PRKCB: variants seen among roughly 807,000 people sequenced by gnomAD.
PRKCB encodes the protein protein kinase C beta.
In PRKCB, 13 loss-of-function variants were observed where a neutral mutation model predicts 81.5. That is an observed-to-expected ratio of 0.16 (90% CI 0.10 to 0.25). The LOEUF is 0.25. Among genes scored for constraint, PRKCB ranks in the 10% least tolerant of loss-of-function variants. The pLI is 1.00. For synonymous variants in PRKCB, 335 were observed against 321.4 expected (o/e 1.04, Z -0.45); for missense variants, 509 against 875.7 (o/e 0.58, Z 5.29).
At position 24,154,668 on chromosome 16, in the gene PRKCB, T is replaced by C. The variant is rs1039740393; in HGVS notation, c.1066-16T>C. The C allele has an allele frequency of 1.2e-6, 2 of 1,613,624 alleles. No individual in the cohort carries two copies. The highest frequency in any genetic ancestry group is 2.7e-5 in the African/African-American group (2 of 74,938). On this transcript the variant is annotated splice_polypyrimidine_tract_variant and intron_variant, in intron 9 of 16. Coordinates refer to ENST00000643927, the MANE Select transcript of PRKCB (RefSeq NM_002738.7). Reference sequence around the variant, plus strand: ...ACTCCTTCCAACTGCCCTGACATGCTTGCTCTCTTTCCCAGGTCATGCTTT... The same window carrying C: ...ACTCCTTCCAACTGCCCTGACATGCCTGCTCTCTTTCCCAGGTCATGCTTT...
intron 7 of PRKCB, among the ~76,000 whole-genome samples, chr16:24,100,913 G>T (rs1450065169): frequency 6.6e-6 from 1 of 152,104 alleles, no homozygotes; most frequent in Admixed American, 6.6e-5. Context: ...AATCATAGGG[G>T]GTCAAAGCTG....
Position 24,032,147 on chromosome 16 carries a change from C to G in PRKCB, c.300C>G (p.Ser100Arg). 1 of 1,613,184 alleles carries G rather than the reference C, an allele frequency of 6.2e-7. No homozygotes were observed. The highest frequency in any genetic ancestry group is 8.5e-7 in the Non-Finnish European group (1 of 1,179,382). ...TCTCTTGGCTCCAGGACCCCCGCAG[C>G]AAACACAAGTTTAAGATCCACACGT... ...DKGPASDDPR[S>R]KHKFKIHTYS... is the part of the protein sequence containing the mutation. The change falls in exon 4 of 17, where the codon AGC becomes AGG. Residue 100 changes from serine (S) to arginine (R), a missense_variant. This residue lies in a region of PRKCB where 184 missense variants were observed against 362.9 expected (regional missense o/e 0.51). Coordinates refer to ENST00000643927, the MANE Select transcript of PRKCB (RefSeq NM_002738.7).
chr16:24,143,382 C>T (rs190865418), intron 9 of PRKCB, among the ~76,000 whole-genome samples: 3 of 152,228 alleles, frequency 2.0e-5, no homozygotes, highest in African/African-American at 4.8e-5. Context: ...ATCCACCTGC[C>T]GTGGCCTCCA....
intron 5 of PRKCB, among the ~76,000 whole-genome samples, chr16:24,036,491 T>C (rs184653743): frequency 2.6e-5 from 4 of 152,204 alleles, no homozygotes; most frequent in African/African-American, 7.2e-5. Context: ...ACTCAGGAAA[T>C]TGATCATGGA....
intron 5 of PRKCB, among the ~76,000 whole-genome samples, chr16:24,084,576 A>G (rs1229547772): frequency 6.6e-6 from 1 of 152,168 alleles, no homozygotes; most frequent in Non-Finnish European, 1.5e-5. Flanking sequence ...CAATAAAAGA[A>G]TTACATTTTT....
chr16:23,907,000 G>C lies in PRKCB; in HGVS notation c.205+69594G>C, dbSNP rs539683697. 3.0e-4 allele frequency among the ~76,000 whole-genome samples: 46 copies of C among 152,244 alleles called. 1 individual carries two copies. The South Asian group carries it at 6.6e-3, about 22-fold the overall frequency. On this transcript the variant is annotated intron_variant, in intron 2 of 16. Transcript: ENST00000643927. The stretch of plus-strand genomic sequence containing the variant: ...TCCTGGGTGGGGACAGGGTTGGGGT[G>C]GGGGAAAGTGAGTGTCCCGTGCTGG...
At chr16:24,149,357 G>A (rs1967041582) in intron 9 of PRKCB, among the ~76,000 whole-genome samples, 1 of 152,162 alleles carries the variant, frequency 6.6e-6, no homozygotes, top group South Asian at 2.1e-4. Context: ...CTCTCAAAAT[G>A]TAACTCCAAG....
chr16:24,006,092 A>G lies in PRKCB; in HGVS notation c.288+17502A>G, dbSNP rs1039793864. On this transcript the variant is annotated intron_variant, in intron 3 of 16. Coordinates refer to ENST00000643927, the MANE Select transcript of PRKCB (RefSeq NM_002738.7). Reference sequence around the variant, plus strand: ...CCCTTCCTCCCTTCTTCCCTCTCTCACTTATCTATTATCTCCCTACATCTG... The same window carrying G: ...CCCTTCCTCCCTTCTTCCCTCTCTCGCTTATCTATTATCTCCCTACATCTG... Among the ~76,000 whole-genome samples, 41 of 151,812 alleles carry G rather than the reference A, an allele frequency of 2.7e-4. 1 individual carries two copies. The highest frequency in any genetic ancestry group is 2.8e-4 in the Non-Finnish European group (19 of 67,926).
chr16:24,086,363 T>C (rs916420341), intron 5 of PRKCB, among the ~76,000 whole-genome samples: 2 of 151,872 alleles, frequency 1.3e-5, no homozygotes, highest in African/African-American at 2.4e-5. Flanking sequence ...ACAGTGAAAA[T>C]AGGTTGATGG....
chr16:24,063,538 G>T (rs142152639), intron 5 of PRKCB, among the ~76,000 whole-genome samples: 2 of 151,828 alleles, frequency 1.3e-5, no homozygotes, highest in African/African-American at 2.4e-5. Context: ...CATGTGATCC[G>T]CCCGCCTTGG....
At chr16:23,955,183 C>G (rs1351867431) in intron 2 of PRKCB, among the ~76,000 whole-genome samples, 1 of 151,526 alleles carries the variant, frequency 6.6e-6, no homozygotes. Context: ...GATGGCACCA[C>G]TGCACTCCAG....
At chr16:24,166,679 C>T (rs1967352175) in intron 10 of PRKCB, among the ~76,000 whole-genome samples, 2 of 152,184 alleles carry the variant, frequency 1.3e-5, no homozygotes, top group South Asian at 4.1e-4. Flanking sequence ...TCCTTAACAT[C>T]TGGCACTGTG....
At chr16:24,057,295 C>T (rs547355714) in intron 5 of PRKCB, among the ~76,000 whole-genome samples, 2 of 152,232 alleles carry the variant, frequency 1.3e-5, no homozygotes, top group South Asian at 4.2e-4. Flanking sequence ...TTCAGCTTTA[C>T]AGAAGGGAAA....
chr16:23,946,913 T>C (rs1964210471), intron 2 of PRKCB, among the ~76,000 whole-genome samples: 1 of 151,564 alleles, frequency 6.6e-6, no homozygotes, highest in Non-Finnish European at 1.5e-5. Flanking sequence ...TGAAGTGCAG[T>C]GGTGTGATCT....
intron 3 of PRKCB, among the ~76,000 whole-genome samples, chr16:24,029,903 T>C (rs75632669): frequency 2.6e-5 from 4 of 152,172 alleles, no homozygotes; most frequent in Non-Finnish European, 4.4e-5. Flanking sequence ...TACTTTTTTT[T>C]CCTTTTTTTA....
At chr16:24,055,730 A>G (rs1221182483) in intron 5 of PRKCB, among the ~76,000 whole-genome samples, 1 of 152,250 alleles carries the variant, frequency 6.6e-6, no homozygotes, top group East Asian at 1.9e-4. Context: ...GCATATCCAT[A>G]AAGAGCCAGC....
chr16:24,185,222 A>G (rs1596587822), intron 14 of PRKCB, 31 bp downstream of exon 14: 2 of 1,577,876 alleles, frequency 1.3e-6, no homozygotes, highest in East Asian at 4.5e-5. Context: ...CGATAAGAGA[A>G]GTCCTCCCTA....
intron 2 of PRKCB, among the ~76,000 whole-genome samples, chr16:23,938,072 C>T (rs1964086897): frequency 6.6e-6 from 1 of 152,110 alleles, no homozygotes; most frequent in Non-Finnish European, 1.5e-5. Flanking sequence ...TAGTTCTGCC[C>T]TCCAACCATG....
intron 9 of PRKCB, among the ~76,000 whole-genome samples, chr16:24,152,117 T>C (rs549313587): frequency 2.6e-5 from 4 of 152,272 alleles, no homozygotes; most frequent in African/African-American, 9.6e-5. Context: ...TTCATGCTGC[T>C]GATAAAGACA....
Sources: gnomAD v4.1 joint callset for allele counts (sites outside exome capture counted in the v4.1 genomes callset) on GRCh38, gnomAD v4.1.1 for gene constraint, gnomAD v4.1.1 regional missense constraint, MANE v1.5 for transcripts, NCBI Gene and HGNC (gene_info 2026-07-23, HGNC 2026-07-21) for gene names.